The following EPSTI1 variants were observed in gnomAD, a reference collection of about 807,000 sequenced individuals.
EPSTI1 encodes epithelial stromal interaction 1, also known as epithelial-stromal interaction protein 1.
In EPSTI1, 66 loss-of-function variants were observed where a neutral mutation model predicts 49.9. The observed-to-expected ratio is 1.32, with a 90% CI of 1.08 to 1.62. EPSTI1 has a LOEUF of 1.62. Among genes scored for constraint, EPSTI1 ranks in the 40% most tolerant of loss-of-function variants. The pLI is 0.00. For synonymous variants in EPSTI1, 137 were observed against 130.7 expected, an observed-to-expected ratio of 1.05 and a Z score of -0.33; for missense variants, 394 against 365.5, an observed-to-expected ratio of 1.08 and a Z score of -0.64.
chr13:42,955,060 A>G (rs1406669604), intron 5 of EPSTI1, among the ~76,000 whole-genome samples: 1 of 152,236 alleles, frequency 6.6e-6, no homozygotes, highest in East Asian at 1.9e-4. Flanking sequence ...TGATGATTTC[A>G]GTTTCAGAAA....
chr13:42,890,975 C>G (rs886622273), intron 10 of EPSTI1, among the ~76,000 whole-genome samples: 1 of 152,000 alleles, frequency 6.6e-6, no homozygotes, highest in Admixed American at 6.6e-5. Flanking sequence ...TTAGCAAATG[C>G]TTTTTCTGTA....
intron 6 of EPSTI1, among the ~76,000 whole-genome samples, chr13:42,947,571 T>A (rs536475303): frequency 3.9e-5 from 6 of 152,334 alleles, no homozygotes; most frequent in African/African-American, 1.4e-4. Flanking sequence ...TGATTTTTTT[T>A]AAGAGGTGAG....
chr13:42,982,892 T>G (rs538824901), intron 1 of EPSTI1, among the ~76,000 whole-genome samples: 2 of 152,156 alleles, frequency 1.3e-5, no homozygotes. Context: ...AGTGGAGACA[T>G]AGAGACACAA....
intron 9 of EPSTI1, among the ~76,000 whole-genome samples, chr13:42,896,210 T>C (rs1285536215): frequency 1.3e-5 from 2 of 152,180 alleles, no homozygotes; most frequent in Non-Finnish European, 2.9e-5. Context: ...ATAAAGCTTC[T>C]TTCCTGTCTT....
chr13:42,952,212 G>A (rs1450222300), intron 6 of EPSTI1, among the ~76,000 whole-genome samples: 2 of 152,216 alleles, frequency 1.3e-5, no homozygotes, highest in South Asian at 2.1e-4. Flanking sequence ...AGCCAGCAGC[G>A]GCAACCTGTT....
chr13:42,901,877 T>C (rs2037364883), intron 8 of EPSTI1, among the ~76,000 whole-genome samples: 1 of 152,130 alleles, frequency 6.6e-6, no homozygotes, highest in Non-Finnish European at 1.5e-5. Flanking sequence ...TAACTCGTCA[T>C]CTAGCATTAG....
At chr13:42,908,829 T>A (rs1370366731) in intron 8 of EPSTI1, among the ~76,000 whole-genome samples, 3 of 151,380 alleles carry the variant, frequency 2.0e-5, no homozygotes, top group Admixed American at 2.0e-4. Context: ...ATGCCTATAA[T>A]CCCAGCACTT....
intron 6 of EPSTI1, among the ~76,000 whole-genome samples, chr13:42,931,292 G>A (rs113778576): frequency 0.02 from 2,924 of 144,086 alleles, 86 homozygotes; most frequent in African/African-American, 0.069. Context: ...TGCAAGCTCC[G>A]CTTCCCGGGT....
chr13:42,969,113 G>GT lies in EPSTI1; in HGVS notation c.311dup (p.His104GlnfsTer15), dbSNP rs762257686. The GT allele has an allele frequency of 6.2e-7, 1 of 1,614,166 alleles. No individual in the cohort carries two copies. Among genetic ancestry groups the GT allele is most frequent in the Admixed American group, 1.7e-5 (1 of 60,030 alleles). On this transcript the variant is annotated frameshift_variant, in exon 3 of 11. Transcript: ENST00000313624. LOFTEE classifies it high-confidence loss of function. ...GCTTACCTAGCCGTCTGGGCACCAG[G>GT]TGAACCGGTTTAGCTCTGTTCTGCT...
intron 6 of EPSTI1, among the ~76,000 whole-genome samples, chr13:42,937,720 A>G (rs1382752421): frequency 2.0e-5 from 3 of 152,186 alleles, no homozygotes; most frequent in Non-Finnish European, 4.4e-5. Context: ...CACATCTGCA[A>G]GACTTCCTCC....
Position 42,886,885 on chromosome 13 carries a change from C to G in EPSTI1, c.*1609G>C, listed in dbSNP as rs973908051. 9.2e-5 allele frequency: 14 copies of G among 152,176 alleles called. No homozygotes were observed. 9.4% of individuals were successfully genotyped at this position (152,176 alleles called of 1,614,324 possible). A position where few individuals can be genotyped will look rare whatever the true frequency, so the allele number is the denominator to read the frequency against. On this transcript the variant is annotated 3_prime_UTR_variant, in exon 11 of 11. Coordinates refer to ENST00000313624, the MANE Select transcript of EPSTI1 (RefSeq NM_033255.5). ...AAATTGACACCAACTTCCCTGAGAGCTTCCAAAGTAAGAAAGCATCCCTTT... is the reference window on the plus strand; with the variant it reads ...AAATTGACACCAACTTCCCTGAGAGGTTCCAAAGTAAGAAAGCATCCCTTT...
intron 8 of EPSTI1, among the ~76,000 whole-genome samples, chr13:42,903,740 T>C (rs568123824): frequency 1.3e-5 from 2 of 152,308 alleles, no homozygotes; most frequent in South Asian, 2.1e-4. Flanking sequence ...TAATTTCGAT[T>C]AAATAAATTT....
intron 7 of EPSTI1, 49 bp downstream of exon 7, chr13:42,926,287 T>C: frequency 1.9e-6 from 2 of 1,049,266 alleles, no homozygotes; most frequent in South Asian, 1.3e-5. Flanking sequence ...AGTCACTAAA[T>C]ACCTCTATAA....
At chr13:42,957,645 G>A (rs113735204) in intron 5 of EPSTI1, among the ~76,000 whole-genome samples, 28 of 152,168 alleles carry the variant, frequency 1.8e-4, no homozygotes, top group African/African-American at 6.7e-4. Flanking sequence ...GTGCCATCTG[G>A]GCTCACTGCA....
rs763708044 is a variant in EPSTI1, at chr13:42,970,649, T to C, written c.210A>G (p.Ile70Met). 4 of 1,610,460 alleles carry C rather than the reference T, an allele frequency of 2.5e-6. No homozygotes were observed. The South Asian group carries it at 4.4e-5, about 18-fold the overall frequency. Reference protein sequence around the residue: ...GQRRTSAYTLIAPNINRRNEI... With the variant: ...GQRRTSAYTLMAPNINRRNEI... Reference sequence around the variant, plus strand: ...CATTTCTCCGGTTTATATTTGGTGCTATCAAGGTGTATGCACTTGTGCTAA... The same window carrying C: ...CATTTCTCCGGTTTATATTTGGTGCCATCAAGGTGTATGCACTTGTGCTAA... Residue 70 changes from isoleucine to methionine, a missense_variant, in exon 2 of 11, where the codon ATA (isoleucine) becomes ATG (methionine). Ile to Met is a conservative substitution (Grantham distance 10, BLOSUM62 1). Coordinates refer to ENST00000313624, the MANE Select transcript of EPSTI1 (RefSeq NM_033255.5).
chr13:42,936,007 T>G (rs1445165351), intron 6 of EPSTI1, among the ~76,000 whole-genome samples: 1 of 152,224 alleles, frequency 6.6e-6, no homozygotes, highest in Non-Finnish European at 1.5e-5. Flanking sequence ...CACGAAATCT[T>G]TTAAGTCTTC....
intron 5 of EPSTI1, among the ~76,000 whole-genome samples, chr13:42,954,639 A>G (rs186583277): frequency 6.6e-6 from 1 of 152,304 alleles, no homozygotes; most frequent in East Asian, 1.9e-4. Context: ...TACTGTCACC[A>G]TGGCTCTGGC....
At chr13:42,932,967 T>C (rs2038427901) in intron 6 of EPSTI1, among the ~76,000 whole-genome samples, 2 of 152,150 alleles carry the variant, frequency 1.3e-5, no homozygotes, top group African/African-American at 4.8e-5. Flanking sequence ...ACAAAGTAAC[T>C]ATCCATTACC....
At chr13:42,933,749 A>G (rs1594675845) in intron 6 of EPSTI1, 1 of 152,424 alleles carries the variant, frequency 6.6e-6, no homozygotes, top group East Asian at 1.9e-4. Context: ...TGTCAGGCAC[A>G]CACTGCTGCC....
Sources: allele counts gnomAD v4.1 joint callset (sites outside exome capture counted in the v4.1 genomes callset), GRCh38; gene constraint gnomAD v4.1.1; transcripts MANE v1.5; gene names NCBI Gene and HGNC (gene_info 2026-07-23, HGNC 2026-07-21).